The following FHIT variants were observed in gnomAD, a reference collection of about 807,000 sequenced individuals.
FHIT encodes the protein fragile histidine triad diadenosine triphosphatase, also known as bis(5'-adenosyl)-triphosphatase.
In FHIT, 19 loss-of-function variants were observed where a neutral mutation model predicts 17.9. The observed-to-expected ratio is 1.06, with a 90% CI of 0.74 to 1.56. FHIT has a LOEUF of 1.56. Among genes scored for constraint, FHIT ranks in the 40% most tolerant of loss-of-function variants. The pLI is 0.00. For missense variants in FHIT, 248 were observed against 189.2 expected (o/e 1.31, Z -1.82); for synonymous variants, 81 against 69.7 (o/e 1.16, Z -0.81).
chr3:59,893,780 T>C (rs1449658985), intron 8 of FHIT, among the ~76,000 whole-genome samples: 1 of 152,186 alleles, frequency 6.6e-6, no homozygotes, highest in African/African-American at 2.4e-5. Flanking sequence ...AGCCCCATGA[T>C]CCGCCTCAGA....
At chr3:60,367,706 T>C (rs949184766) in intron 5 of FHIT, among the ~76,000 whole-genome samples, 2 of 152,218 alleles carry the variant, frequency 1.3e-5, no homozygotes, top group African/African-American at 2.4e-5. Flanking sequence ...GTATGACCTA[T>C]AGAGGTTTTA....
intron 8 of FHIT, among the ~76,000 whole-genome samples, chr3:59,776,060 G>A (rs1702297310): frequency 6.6e-6 from 1 of 152,198 alleles, no homozygotes; most frequent in Non-Finnish European, 1.5e-5. Context: ...AATTCGAATT[G>A]CCTGCCCAGC....
At chr3:60,669,799 T>A (rs1246510025) in intron 4 of FHIT, among the ~76,000 whole-genome samples, 2 of 152,062 alleles carry the variant, frequency 1.3e-5, no homozygotes, top group African/African-American at 4.8e-5. Context: ...ATAGGAATGA[T>A]AGAAAAGCAA....
At chr3:60,303,606 G>A (rs1401639860) in intron 5 of FHIT, among the ~76,000 whole-genome samples, 3 of 152,092 alleles carry the variant, frequency 2.0e-5, no homozygotes, top group African/African-American at 7.2e-5. Flanking sequence ...GATGTGTGCC[G>A]CTTCACAGCC....
chr3:60,355,721 A>G (rs893138841), intron 5 of FHIT, among the ~76,000 whole-genome samples: 2 of 152,172 alleles, frequency 1.3e-5, no homozygotes, highest in Non-Finnish European at 2.9e-5. Flanking sequence ...TTTTGTCACA[A>G]ATTTTTTTTT....
intron 5 of FHIT, among the ~76,000 whole-genome samples, chr3:60,445,788 CA>C (rs36014753): frequency 1.5e-3 from 213 of 142,684 alleles, no homozygotes; most frequent in South Asian, 1.8e-3. Flanking sequence ...AACTTTAAAG[CA>C]AAAAAAAAAA....
chr3:61,180,550 T>A (rs1252805107), intron 2 of FHIT, among the ~76,000 whole-genome samples: 1 of 152,242 alleles, frequency 6.6e-6, no homozygotes, highest in Admixed American at 6.5e-5. Context: ...ACTCAGTCTC[T>A]CTTCTCCAGT....
chr3:60,948,145 C>G (rs1708717745), intron 3 of FHIT, among the ~76,000 whole-genome samples: 1 of 152,146 alleles, frequency 6.6e-6, no homozygotes, highest in Non-Finnish European at 1.5e-5. Context: ...CTCACTTAGA[C>G]CAGGTGCTAG....
chr3:60,367,881 C>A (rs557536781), intron 5 of FHIT, among the ~76,000 whole-genome samples: 1 of 152,240 alleles, frequency 6.6e-6, no homozygotes, highest in East Asian at 1.9e-4. Context: ...TAAGTTCTGC[C>A]TGTTCTTTAA....
intron 8 of FHIT, among the ~76,000 whole-genome samples, chr3:59,875,354 A>G (rs192705402): frequency 1.5e-4 from 23 of 152,298 alleles, no homozygotes; most frequent in Admixed American, 1.2e-3. Flanking sequence ...TCTCCCAGGG[A>G]AGACATTGCC....
intron 5 of FHIT, among the ~76,000 whole-genome samples, chr3:60,474,212 C>G (rs1411232419): frequency 6.6e-6 from 1 of 152,166 alleles, no homozygotes; most frequent in Non-Finnish European, 1.5e-5. Context: ...GCTAGAGTTT[C>G]TTCTGGTATA....
intron 8 of FHIT, among the ~76,000 whole-genome samples, chr3:59,896,974 G>C (rs1407034114): frequency 1.3e-5 from 2 of 152,164 alleles, no homozygotes; most frequent in Non-Finnish European, 2.9e-5. Flanking sequence ...AGCATGTAGA[G>C]TCAAGCAAAG....
chr3:61,031,979 C>T (rs185431497), intron 3 of FHIT, among the ~76,000 whole-genome samples: 94 of 152,230 alleles, frequency 6.2e-4, no homozygotes, highest in African/African-American at 2.2e-3. Flanking sequence ...TGCTCATGGC[C>T]GGTGAGTGAA....
At chr3:60,288,958 G>A (rs868179495) in intron 5 of FHIT, among the ~76,000 whole-genome samples, 10 of 152,072 alleles carry the variant, frequency 6.6e-5, no homozygotes, top group African/African-American at 1.7e-4. Context: ...CAATGCCACC[G>A]TGGTCTTTTG....
At chr3:60,174,850 A>G (rs1297763433) in intron 5 of FHIT, among the ~76,000 whole-genome samples, 1 of 152,202 alleles carries the variant, frequency 6.6e-6, no homozygotes, top group Non-Finnish European at 1.5e-5. Flanking sequence ...AGAAATGACC[A>G]ACGTGCTTTC....
At chr3:59,886,359 G>A (rs1328588345) in intron 8 of FHIT, 1 of 152,212 alleles carries the variant, frequency 6.6e-6, no homozygotes, top group Non-Finnish European at 1.5e-5. Flanking sequence ...CACTGTGCAG[G>A]TATTATGTTA....
chr3:60,390,397 A>G (rs867821226), intron 5 of FHIT, among the ~76,000 whole-genome samples: 9 of 5,014 alleles, frequency 1.8e-3, no homozygotes, highest in African/African-American at 2.5e-3. Flanking sequence ...TAATGGAGCT[A>G]AAAAAAAAAA....
intron 3 of FHIT, among the ~76,000 whole-genome samples, chr3:60,861,241 C>CAT (rs1553752479): frequency 5.4e-5 from 2 of 37,126 alleles, no homozygotes; most frequent in East Asian, 3.9e-4. Flanking sequence ...TATATCATAT[C>CAT]ATATATGATA....
At chr3:60,660,046 C>T (rs1018596725) in intron 4 of FHIT, among the ~76,000 whole-genome samples, 2 of 152,160 alleles carry the variant, frequency 1.3e-5, no homozygotes, top group East Asian at 1.9e-4. Context: ...TAGGTATGAG[C>T]GGTGACTTTC....
Sources: gnomAD v4.1 joint callset for allele counts (sites outside exome capture counted in the v4.1 genomes callset) on GRCh38, gnomAD v4.1.1 for gene constraint, MANE v1.5 for transcripts, NCBI Gene and HGNC (gene_info 2026-07-23, HGNC 2026-07-21) for gene names.